CLCN1: variants seen among roughly 807,000 people sequenced by gnomAD.
CLCN1 encodes the protein chloride channel protein 1.
Under a neutral mutation model 114.5 loss-of-function variants are expected in CLCN1, and 100 were observed. That is an observed-to-expected ratio of 0.87 (90% CI 0.74 to 1.03). The LOEUF (loss-of-function observed/expected upper bound fraction) is 1.03, where lower values mean the gene tolerates loss of function less well. Ranked by LOEUF, CLCN1 falls within the 50% of genes least tolerant of loss-of-function variation. The pLI is 0.00. For synonymous variants in CLCN1, 485 were observed against 487.1 expected (o/e 1.00, Z 0.06); for missense variants, 1,188 against 1,250.0 (o/e 0.95, Z 0.75).
chr7:143,345,611 C>G lies in CLCN1; in HGVS notation c.2021C>G (p.Ala674Gly), dbSNP rs1803213504. 6.4e-7 allele frequency: 1 copy of G among 1,557,070 alleles called. No homozygotes were observed. The highest frequency in any genetic ancestry group is 1.9e-5 in the Admixed American group (1 of 51,706). The part of the protein sequence containing the change: ...HLCPERRLRA[A>G]QEMARKLSEL... ...TGTCCTGAGCGCAGGCTGCGCGCAG[C>G]CCAAGAGATGGCGCGGAAGTTGTCG... Residue 674 changes from alanine (A) to glycine (G), a missense_variant, in exon 17 of 23, where the codon GCC (alanine) becomes GGC (glycine). Ala to Gly is a moderately conservative substitution (Grantham distance 60). Transcript: ENST00000343257.
chr7:143,333,073 T>A (rs895599635), intron 12 of CLCN1, among the ~76,000 whole-genome samples, 200 bp downstream of exon 12: 29 of 152,150 alleles, frequency 1.9e-4, no homozygotes, highest in East Asian at 1.4e-3. Flanking sequence ...CTGAGGCAGG[T>A]GGATCACTTG....
chr7:143,324,590 C>G lies in CLCN1; in HGVS notation c.853+98C>G. 1.1e-6 allele frequency: 1 copy of G among 899,314 alleles called. No individual in the cohort carries two copies. Among genetic ancestry groups the G allele is most frequent in the African/African-American group, 1.6e-5 (1 of 61,500 alleles). The allele number at this position is 899,314 out of a possible 1,614,324, so 55.7% of individuals were successfully genotyped here. On this transcript the variant is annotated intron_variant, in intron 7 of 22. Transcript: ENST00000343257. The surrounding 1 kb of genome is among the most constrained non-coding windows in gnomAD (Gnocchi z 4.6). ...CACAAGTGCTGGTATTACCAGGTTA[C>G]TTACGAGAATAGCTGACTTTTAGTA... is the stretch of plus-strand genomic sequence containing the variant.
At position 143,323,298 on chromosome 7, in the gene CLCN1, C is replaced by T. The variant is rs774358653; in HGVS notation, c.697-11C>T. 1 of 1,590,862 alleles carries T rather than the reference C, an allele frequency of 6.3e-7. No individual in the cohort carries two copies. The highest frequency in any genetic ancestry group is 1.3e-5 in the African/African-American group (1 of 74,446). Reference sequence around the variant, plus strand: ...CCTCTGACCCCCGCCCCCTCGCTCCCCCTCTCCCAGGGCCCCTTCGTCCAC... The same window carrying T: ...CCTCTGACCCCCGCCCCCTCGCTCCTCCTCTCCCAGGGCCCCTTCGTCCAC... On this transcript the variant is annotated splice_polypyrimidine_tract_variant and intron_variant, in intron 5 of 22. Transcript: ENST00000343257.
At chr7:143,318,690 C>T (rs1802351952) in intron 1 of CLCN1, among the ~76,000 whole-genome samples, 1 of 152,168 alleles carries the variant, frequency 6.6e-6, no homozygotes, top group African/African-American at 2.4e-5. Flanking sequence ...TGAAGCAACC[C>T]CCTTCCTTGT....
chr7:143,336,967 C>T (rs1269564269), intron 12 of CLCN1, among the ~76,000 whole-genome samples: 1 of 152,148 alleles, frequency 6.6e-6, no homozygotes, highest in Non-Finnish European at 1.5e-5. Context: ...GTACTTATTT[C>T]AAAGAGATGG....
rs1802448143 is a variant in CLCN1 at position 143,321,856 on chromosome 7, T to C, written c.696+8T>C. Reference sequence around the variant, plus strand: ...ATCCCCGTGGGGAAAGAGGTAGGCCTGGCATGACTGAAGCCAGAGCTGGGA... The same window carrying C: ...ATCCCCGTGGGGAAAGAGGTAGGCCCGGCATGACTGAAGCCAGAGCTGGGA... On this transcript the variant is annotated splice_region_variant and intron_variant, in intron 5 of 22. Transcript: ENST00000343257. The surrounding 1 kb of genome is among the most constrained non-coding windows in gnomAD (Gnocchi z 4.2). 1 of 1,613,682 alleles carries C rather than the reference T, an allele frequency of 6.2e-7. No individual in the cohort carries two copies. The highest frequency in any genetic ancestry group is 1.3e-5 in the African/African-American group (1 of 74,914).
chr7:143,331,696 T>C (rs1802729466), intron 10 of CLCN1, 44 bp downstream of exon 10: 2 of 1,383,028 alleles, frequency 1.4e-6, no homozygotes, highest in Non-Finnish European at 2.1e-6. Flanking sequence ...TACTTTCTGG[T>C]TTCTCCAAGA....
At chr7:143,323,204 A>G in intron 5 of CLCN1, 105 bp from the exon 6 acceptor site, 1 of 755,822 alleles carries the variant, frequency 1.3e-6, no homozygotes, top group Non-Finnish European at 2.4e-6. Flanking sequence ...CCGTATTTCC[A>G]GCCCCTGGCA....
intron 1 of CLCN1, among the ~76,000 whole-genome samples, chr7:143,317,780 A>G (rs891884072): frequency 6.6e-6 from 1 of 152,092 alleles, no homozygotes; most frequent in Non-Finnish European, 1.5e-5. Flanking sequence ...GTAGGCTGGA[A>G]TCGAGCATTG....
intron 1 of CLCN1, among the ~76,000 whole-genome samples, chr7:143,319,196 G>T (rs547966704): frequency 4.6e-5 from 7 of 152,158 alleles, no homozygotes; most frequent in Non-Finnish European, 1.0e-4. Flanking sequence ...GTTCTTGTGT[G>T]TGCATACAAG....
At position 143,326,882 on chromosome 7, in the gene CLCN1, T is replaced by C. The variant is rs149275390; in HGVS notation, c.853+2390T>C. Among the ~76,000 whole-genome samples, 86 of 152,336 alleles carry C rather than the reference T, an allele frequency of 5.6e-4. 1 individual carries two copies. Among genetic ancestry groups the C allele is most frequent in the African/African-American group, 1.9e-3 (80 of 41,580 alleles). ...CGAATGTGTTTCATGGTTTACTAGA[T>C]CTAATGTGTAAAAATGGTTCTATAA... On this transcript the variant is annotated intron_variant, in intron 7 of 22. Coordinates refer to ENST00000343257, the MANE Select transcript of CLCN1 (RefSeq NM_000083.3).
rs1191315801 is a variant in CLCN1 at position 143,331,498 on chromosome 7, G to A, written c.1065-53G>A. ...GTTTCCCTGCAGTAGTTATGTCCAA[G>A]AGATGAGGATTTCATGTCTGTAAGA... is the stretch of plus-strand genomic sequence containing the variant. On this transcript the variant is annotated intron_variant, in intron 9 of 22. Coordinates refer to ENST00000343257, the MANE Select transcript of CLCN1 (RefSeq NM_000083.3). 8 of 1,342,150 alleles carry A rather than the reference G, an allele frequency of 6.0e-6. No homozygotes were observed. In the South Asian group the frequency reaches 8.2e-5, roughly 14 times the overall value. 83.1% of individuals were successfully genotyped at this position (1,342,150 alleles called of 1,614,324 possible).
chr7:143,346,805 G>A (rs1177001603), intron 19 of CLCN1, 106 bp from the exon 20 acceptor site: 5 of 1,208,480 alleles, frequency 4.1e-6, no homozygotes, highest in Non-Finnish European at 6.2e-6. Flanking sequence ...TGAAAAGGAG[G>A]CATCGGTGGT....
Position 143,321,750 on chromosome 7 carries a change from G to A in CLCN1, c.598G>A (p.Gly200Arg), listed in dbSNP as rs1563074523. 1 of 1,614,216 alleles carries A rather than the reference G, an allele frequency of 6.2e-7. No individual in the cohort carries two copies. Among genetic ancestry groups the A allele is most frequent in the Non-Finnish European group, 8.5e-7 (1 of 1,180,032 alleles). Residue 200 changes from glycine (G) to arginine (R), a missense_variant, in exon 5 of 23, where the codon GGG becomes AGG. Coordinates refer to ENST00000343257, the MANE Select transcript of CLCN1 (RefSeq NM_000083.3). This position sits in a 1 kb window ranked among gnomAD's most constrained non-coding sequence, Gnocchi z 4.2. The part of the protein sequence containing the change: ...GIPEMKTILR[G>R]VVLKEYLTMK... ...CCCCGAAATGAAGACAATACTTCGT[G>A]GGGTTGTCCTGAAGGAATACCTCAC...
At chr7:143,346,823 A>G in intron 19 of CLCN1, 88 bp from the exon 20 acceptor site, 1 of 1,356,322 alleles carries the variant, frequency 7.4e-7, no homozygotes, top group Non-Finnish European at 1.1e-6. Context: ...GGTCCTGGCC[A>G]GGGAGGGATG....
intron 6 of CLCN1, 84 bp downstream of exon 6, chr7:143,323,470 C>T: frequency 1.1e-6 from 1 of 928,260 alleles, no homozygotes; most frequent in South Asian, 1.3e-5. Flanking sequence ...AGGGCTGCCT[C>T]TGCTCTGGGC....
chr7:143,324,042 CA>C lies in CLCN1; in HGVS notation c.775-369del, dbSNP rs1202335160. 8.4e-5 allele frequency: 33 copies of C among 390,950 alleles called. No homozygotes were observed. Among genetic ancestry groups the C allele is most frequent in the African/African-American group, 6.7e-4 (32 of 48,004 alleles). 24.2% of individuals were successfully genotyped at this position (390,950 alleles called of 1,614,324 possible). On this transcript the variant is annotated intron_variant, in intron 6 of 22. Coordinates refer to ENST00000343257, the MANE Select transcript of CLCN1 (RefSeq NM_000083.3). This position sits in a 1 kb window ranked among gnomAD's most constrained non-coding sequence, Gnocchi z 4.6. ...GGTCCAGATACCTATATTTTTTCAG[CA>C]AAGGGCTGTGTATTATTTTGAGACT...
At chr7:143,331,205 C>A (rs367699805) in intron 8 of CLCN1, 27 bp from the exon 9 acceptor site, 6 of 1,526,058 alleles carry the variant, frequency 3.9e-6, no homozygotes, top group Non-Finnish European at 5.5e-6. Context: ...AAGCTCCCAT[C>A]GTAATACTGG....
chr7:143,339,692 T>G lies in CLCN1; in HGVS notation c.1582+71T>G. ...AGATCCCCACACTTAAACTCTCCCATTGGATCTTCATTCTAGGCTACACAA... is the reference window on the plus strand; with the variant it reads ...AGATCCCCACACTTAAACTCTCCCAGTGGATCTTCATTCTAGGCTACACAA... On this transcript the variant is annotated intron_variant, in intron 14 of 22. Coordinates refer to ENST00000343257, the MANE Select transcript of CLCN1 (RefSeq NM_000083.3). This position sits in a 1 kb window ranked among gnomAD's most constrained non-coding sequence, Gnocchi z 4.1. 1.1e-6 allele frequency: 1 copy of G among 947,654 alleles called. No homozygotes were observed. The highest frequency in any genetic ancestry group is 1.7e-6 in the Non-Finnish European group (1 of 575,478). 58.7% of individuals were successfully genotyped at this position (947,654 alleles called of 1,614,324 possible).
Sources: gnomAD v4.1 joint callset for allele counts (sites outside exome capture counted in the v4.1 genomes callset) on GRCh38, gnomAD v4.1.1 for gene constraint, Gnocchi (gnomAD v3.1) non-coding constraint, MANE v1.5 for transcripts, NCBI Gene and HGNC (gene_info 2026-07-23, HGNC 2026-07-21) for gene names.